TARP: variants seen among roughly 807,000 people sequenced by gnomAD.
chr7:38,262,185 G>A, the TARP span: 13 of 1,612,342 alleles, frequency 8.1e-6, no homozygotes, highest in Non-Finnish European at 1.1e-5. Context: ...TGCATCTTTT[G>A]AACAATTGTC....
At chr7:38,265,452 C>T in the TARP span, 6 of 1,611,332 alleles carry the variant, frequency 3.7e-6, no homozygotes, top group East Asian at 4.5e-5. Flanking sequence ...TTTCTGGCAC[C>T]GTTAACCAGC....
chr7:38,266,671 ACTGT>A, the TARP span, among the ~76,000 whole-genome samples: 4 of 151,628 alleles, frequency 2.6e-5, no homozygotes, highest in Non-Finnish European at 5.9e-5. Flanking sequence ...GCATGTACAT[ACTGT>A]CTATCAAGTT....
chr7:38,273,526 C>G, the TARP span: 5 of 1,319,198 alleles, frequency 3.8e-6, no homozygotes, highest in East Asian at 1.1e-4. Flanking sequence ...AATTCTGAGC[C>G]AGCTCCTGCC....
At chr7:38,265,351 G>C in the TARP span, 24 of 1,607,220 alleles carry the variant, frequency 1.5e-5, no homozygotes, top group African/African-American at 1.5e-4. Flanking sequence ...ACACATACCT[G>C]TCTTTATTGG....
the TARP span, chr7:38,273,578 A>G: frequency 1.8e-5 from 29 of 1,596,680 alleles, no homozygotes; most frequent in Non-Finnish European, 2.3e-5. Context: ...AAATTTAAAG[A>G]AAACTTACCT....
the TARP span, among the ~76,000 whole-genome samples, chr7:38,262,586 T>C: frequency 6.6e-6 from 1 of 151,756 alleles, no homozygotes; most frequent in African/African-American, 2.4e-5. Context: ...AATGGCTGCT[T>C]TACAGCCTTC....
the TARP span, among the ~76,000 whole-genome samples, chr7:38,263,891 G>A: frequency 1.3e-5 from 2 of 151,902 alleles, no homozygotes; most frequent in African/African-American, 2.4e-5. Context: ...TATCAAGTCT[G>A]CATGTCCAAA....
the TARP span, among the ~76,000 whole-genome samples, chr7:38,271,862 C>A: frequency 1.3e-5 from 2 of 150,930 alleles, no homozygotes; most frequent in Non-Finnish European, 2.9e-5. Flanking sequence ...TATTTCTCAA[C>A]TGATATTGAT....
chr7:38,265,745 G>A, the TARP span: 1 of 1,180,838 alleles, frequency 8.5e-7, no homozygotes, highest in South Asian at 1.4e-5. Context: ...GCACAGTTTG[G>A]AGTGGCCTAG....
At chr7:38,260,938 A>G in the TARP span, among the ~76,000 whole-genome samples, 1 of 151,854 alleles carries the variant, frequency 6.6e-6, no homozygotes, top group African/African-American at 2.4e-5. Context: ...TTCTAGTCGC[A>G]TTCTTTGTGC....
the TARP span, among the ~76,000 whole-genome samples, chr7:38,260,807 C>T: frequency 2.0e-5 from 3 of 151,564 alleles, no homozygotes; most frequent in African/African-American, 4.9e-5. Flanking sequence ...GTGATGTGTC[C>T]GTGACTCCCT....
chr7:38,259,888 C>G, the TARP span: 17 of 553,766 alleles, frequency 3.1e-5, 1 homozygote, highest in South Asian at 2.2e-4. Flanking sequence ...ATCGCCGTGG[C>G]TATTCCTCAT....
the TARP span, among the ~76,000 whole-genome samples, chr7:38,266,782 T>G: frequency 5.3e-5 from 8 of 152,028 alleles, no homozygotes; most frequent in African/African-American, 1.9e-4. Flanking sequence ...CCTCCAAGTT[T>G]TGGGATGCAG....
chr7:38,272,270 C>T, the TARP span, among the ~76,000 whole-genome samples: 11,331 of 150,222 alleles, frequency 0.075, 574 homozygotes, highest in Non-Finnish European at 0.11. Context: ...AATAATATTT[C>T]TATCACCTAC....
At chr7:38,264,589 C>CAA in the TARP span, among the ~76,000 whole-genome samples, 44 of 126,454 alleles carry the variant, frequency 3.5e-4, no homozygotes, top group East Asian at 3.7e-3. Context: ...GAAACTCTGT[C>CAA]AAAAAAAAAA....
At chr7:38,272,752 C>G in the TARP span, among the ~76,000 whole-genome samples, 51 of 150,276 alleles carry the variant, frequency 3.4e-4, no homozygotes, top group African/African-American at 1.2e-3. Context: ...AAAGTCCATA[C>G]CTTTTCTTGC....
the TARP span, among the ~76,000 whole-genome samples, chr7:38,266,071 G>A: frequency 1.3e-5 from 2 of 151,052 alleles, no homozygotes; most frequent in African/African-American, 2.4e-5. Flanking sequence ...AGGTTTTCAA[G>A]GTGGATGGCA....
At chr7:38,262,955 G>A in the TARP span, among the ~76,000 whole-genome samples, 3 of 151,520 alleles carry the variant, frequency 2.0e-5, no homozygotes, top group African/African-American at 7.3e-5. Flanking sequence ...CACCACACTC[G>A]GCCAAGAATT....
chr7:38,264,140 G>A, the TARP span, among the ~76,000 whole-genome samples: 3 of 151,780 alleles, frequency 2.0e-5, no homozygotes, highest in Non-Finnish European at 4.4e-5. Context: ...TCCTTGAAAA[G>A]CACTTCATTG....
Sources: allele counts gnomAD v4.1 joint callset (sites outside exome capture counted in the v4.1 genomes callset), GRCh38; gene constraint gnomAD v4.1.1; transcripts MANE v1.5.